Variants in LONP2 observed in about 807,000 individuals in gnomAD.
LONP2 encodes the protein lon peptidase 2, peroxisomal.
Under a neutral mutation model 85.6 loss-of-function variants are expected in LONP2, and 60 were observed. The ratio of observed to expected loss-of-function variants is 0.70; its 90% CI spans 0.57 to 0.87. LONP2 has a LOEUF of 0.87. LONP2 is among the 40% of genes least tolerant of loss of function. The pLI, the probability that LONP2 is intolerant of heterozygous loss-of-function variation, is 0.00. For missense variants in LONP2, 860 were observed against 1,063.5 expected, an observed-to-expected ratio of 0.81 and a Z score of 2.66; for synonymous variants, 395 against 389.7, an observed-to-expected ratio of 1.01 and a Z score of -0.16.
At chr16:48,331,625 C>T (rs556775784) in intron 11 of LONP2, among the ~76,000 whole-genome samples, 62 of 148,550 alleles carry the variant, frequency 4.2e-4, no homozygotes, top group Admixed American at 1.1e-3. Context: ...AGTGCAGTGG[C>T]GCGATCTCCG....
At chr16:48,308,228 G>A (rs781442132) in intron 11 of LONP2, among the ~76,000 whole-genome samples, 6 of 152,220 alleles carry the variant, frequency 3.9e-5, no homozygotes, top group East Asian at 3.9e-4. Context: ...AGACAAAAAC[G>A]TACACTGGGA....
At chr16:48,313,341 T>C (rs1182818123) in intron 11 of LONP2, among the ~76,000 whole-genome samples, 1 of 152,192 alleles carries the variant, frequency 6.6e-6, no homozygotes, top group East Asian at 1.9e-4. Context: ...GCTTTTAAGT[T>C]CCAGGGTACA....
intron 12 of LONP2, among the ~76,000 whole-genome samples, chr16:48,337,754 A>G (rs190467421): frequency 9.3e-4 from 142 of 152,292 alleles, no homozygotes; most frequent in African/African-American, 3.2e-3. Context: ...GAGAGGTTAT[A>G]CTAGGAATAC....
At chr16:48,258,582 G>A in intron 3 of LONP2, 36 bp from the exon 4 acceptor site, 1 of 1,557,794 alleles carries the variant, frequency 6.4e-7, no homozygotes, top group Non-Finnish European at 8.6e-7. Context: ...GTGTGTTTCT[G>A]AGAGAGATCC....
intron 14 of LONP2, among the ~76,000 whole-genome samples, chr16:48,350,180 G>T (rs1370908996): frequency 6.6e-6 from 1 of 152,198 alleles, no homozygotes; most frequent in Non-Finnish European, 1.5e-5. Flanking sequence ...GAGGTTAGGA[G>T]TTTGAGACCA....
intron 11 of LONP2, among the ~76,000 whole-genome samples, chr16:48,320,463 A>G (rs901910875): frequency 2.0e-5 from 3 of 152,090 alleles, no homozygotes; most frequent in African/African-American, 4.8e-5. Flanking sequence ...GCTCATTGGT[A>G]CTAAGCTTCA....
chr16:48,354,807 G>A lies in LONP2; in HGVS notation c.*3005G>A, dbSNP rs1390033025. The A allele has an allele frequency of 1.3e-5, 2 of 152,104 alleles. No individual in the cohort carries two copies. The highest frequency in any genetic ancestry group is 4.8e-5 in the African/African-American group (2 of 41,400). The allele number at this position is 152,104 out of a possible 1,614,324, so 9.4% of individuals were successfully genotyped here. ...AAAATAATGGGGTGCAGAAGGGTAGGGATGAACCTCTTCCTCCTTTGCCAC... is the reference window on the plus strand; with the variant it reads ...AAAATAATGGGGTGCAGAAGGGTAGAGATGAACCTCTTCCTCCTTTGCCAC... On this transcript the variant is annotated 3_prime_UTR_variant, in exon 15 of 15. Transcript: ENST00000285737.
intron 11 of LONP2, among the ~76,000 whole-genome samples, chr16:48,323,122 C>A (rs1973300465): frequency 6.6e-6 from 1 of 152,144 alleles, no homozygotes; most frequent in Non-Finnish European, 1.5e-5. Flanking sequence ...GGTAGATAAA[C>A]AATTTTTAAG....
At position 48,270,044 on chromosome 16, in the gene LONP2, T is replaced by A; in HGVS notation, c.1011T>A (p.Ile337=). ...TDRLDIRAAR[I]LLDNDHYAME... ...GCCTGGACATTAGGGCAGCCCGGAT[T>A]CTTCTGGATAATGACCATTACGCCA... Residue 337 remains isoleucine, a synonymous_variant, in exon 7 of 15, where the codon ATT becomes ATA. Transcript: ENST00000285737. 6.2e-7 allele frequency: 1 copy of A among 1,613,946 alleles called. No individual in the cohort carries two copies. The highest frequency in any genetic ancestry group is 1.3e-5 in the African/African-American group (1 of 75,038).
chr16:48,273,249 T>G (rs574204246), intron 7 of LONP2, among the ~76,000 whole-genome samples: 13 of 152,332 alleles, frequency 8.5e-5, no homozygotes, highest in Middle Eastern at 6.8e-3. Flanking sequence ...TTTTCCCATG[T>G]GTGGAACACT....
chr16:48,250,308 T>A (rs1440756242), intron 1 of LONP2, among the ~76,000 whole-genome samples: 1 of 143,784 alleles, frequency 7.0e-6, no homozygotes, highest in African/African-American at 2.6e-5. Flanking sequence ...TGGTGAAACC[T>A]CATCTCTACA....
chr16:48,327,663 G>A (rs184360797), intron 11 of LONP2, among the ~76,000 whole-genome samples: 10 of 152,172 alleles, frequency 6.6e-5, no homozygotes, highest in Admixed American at 6.5e-4. Context: ...TCACCATGTT[G>A]GCCAGGCTGG....
intron 6 of LONP2, among the ~76,000 whole-genome samples, chr16:48,268,762 C>CTT (rs1327987534): frequency 1.3e-5 from 2 of 152,080 alleles, no homozygotes; most frequent in East Asian, 3.8e-4. Flanking sequence ...ACCTAGGACT[C>CTT]TGACTAAAAT....
At chr16:48,321,661 C>T (rs1364908903) in intron 11 of LONP2, among the ~76,000 whole-genome samples, 1 of 152,186 alleles carries the variant, frequency 6.6e-6, no homozygotes, top group Non-Finnish European at 1.5e-5. Context: ...AGGCTATAAA[C>T]TTCTACAGCA....
chr16:48,257,831 C>T (rs1387995791), intron 3 of LONP2, among the ~76,000 whole-genome samples: 2 of 152,308 alleles, frequency 1.3e-5, no homozygotes, highest in South Asian at 4.1e-4. Context: ...TGGCTGTGGG[C>T]GGCAGCAGTG....
At chr16:48,348,574 AG>A (rs1237760923) in intron 14 of LONP2, among the ~76,000 whole-genome samples, 3 of 145,908 alleles carry the variant, frequency 2.1e-5, no homozygotes, top group Non-Finnish European at 4.4e-5. Context: ...AGCTCACTAT[AG>A]CCACCAAGTC....
At chr16:48,256,868 C>A in intron 3 of LONP2, 127 bp downstream of exon 3, 1 of 795,586 alleles carries the variant, frequency 1.3e-6, no homozygotes, top group Non-Finnish European at 1.9e-6. Flanking sequence ...AATGCTTTTA[C>A]ATTTAAACTG....
At position 48,330,969 on chromosome 16, in the gene LONP2, G is replaced by A. The variant is rs1248372245; in HGVS notation, c.1796-3247G>A. Among the ~76,000 whole-genome samples the A allele has an allele frequency of 3.3e-5, 5 of 152,182 alleles. No individual in the cohort carries two copies. In the East Asian group the frequency reaches 7.7e-4, roughly 23 times the overall value. On this transcript the variant is annotated intron_variant, in intron 11 of 14. Coordinates refer to ENST00000285737, the MANE Select transcript of LONP2 (RefSeq NM_031490.5). ...AAGGATTGGATGTCCTAAAGCATTGGTTATGTAATTGTGGGTTGGCTTTCA... is the reference window on the plus strand; with the variant it reads ...AAGGATTGGATGTCCTAAAGCATTGATTATGTAATTGTGGGTTGGCTTTCA...
chr16:48,297,338 TCTCA>T (rs1972695023), intron 9 of LONP2, among the ~76,000 whole-genome samples: 1 of 150,866 alleles, frequency 6.6e-6, no homozygotes, highest in Admixed American at 6.6e-5. Flanking sequence ...TGAGATGGAG[TCTCA>T]CTCTGTCACC....
Sources: allele counts gnomAD v4.1 joint callset (sites outside exome capture counted in the v4.1 genomes callset), GRCh38; gene constraint gnomAD v4.1.1; transcripts MANE v1.5; gene names NCBI Gene and HGNC (gene_info 2026-07-23, HGNC 2026-07-21).